CYP3A7: variants seen among roughly 807,000 people sequenced by gnomAD.
The protein encoded by CYP3A7 is cytochrome P450 family 3 subfamily A member 7.
A neutral mutation model predicts 55.2 loss-of-function variants in CYP3A7; 45 were observed. That is an observed-to-expected ratio of 0.82 (90% CI 0.64 to 1.05). The LOEUF is 1.05. Among genes scored for constraint, CYP3A7 ranks in the 50% least tolerant of loss-of-function variants. The probability of loss-of-function intolerance (pLI) is 0.00; values close to 1 mark genes in which losing one functional copy is unlikely to be tolerated. For synonymous variants in CYP3A7, 180 were observed against 207.4 expected (o/e 0.87, Z 1.13); for missense variants, 548 against 605.3 (o/e 0.91, Z 0.99).
rs767521204 is a variant in CYP3A7 at position 99,714,647 on chromosome 7, A to G, written c.706T>C (p.Leu236=). The change falls in exon 8 of 13, where the codon TTA becomes CTA. Residue 236 remains leucine (L), a synonymous_variant. Coordinates refer to ENST00000336374, the MANE Select transcript of CYP3A7 (RefSeq NM_000765.5). ...TTTCTTGGAAACACAGTGATATTTAATGCTTCAAGAATTGGGGTAAGGAAT... is the reference window on the plus strand; with the variant it reads ...TTTCTTGGAAACACAGTGATATTTAGTGCTTCAAGAATTGGGGTAAGGAAT... ...FPFLTPILEA[L]NITVFPRKVI... is the part of the protein sequence containing the mutation. 2.5e-6 allele frequency: 4 copies of G among 1,612,558 alleles called. No individual in the cohort carries two copies. The highest frequency in any genetic ancestry group is 3.4e-6 in the Non-Finnish European group (4 of 1,179,204).
intron 12 of CYP3A7, among the ~76,000 whole-genome samples, chr7:99,707,448 TG>T (rs886731492): frequency 3.9e-5 from 6 of 152,216 alleles, no homozygotes; most frequent in African/African-American, 1.4e-4. Flanking sequence ...CTACAAGTTC[TG>T]GGAAGGAAGA....
chr7:99,728,203 A>T (rs1201111109), intron 2 of CYP3A7, among the ~76,000 whole-genome samples: 1 of 152,110 alleles, frequency 6.6e-6, no homozygotes, highest in Non-Finnish European at 1.5e-5. Flanking sequence ...GGCCCATTCT[A>T]TTCTGTTGTC....
chr7:99,724,298 G>A (rs1814324399), intron 2 of CYP3A7, among the ~76,000 whole-genome samples: 1 of 152,120 alleles, frequency 6.6e-6, no homozygotes, highest in African/African-American at 2.4e-5. Flanking sequence ...ACTGGACAAT[G>A]GTTCCAAATA....
Position 99,707,977 on chromosome 7 carries a change from G to C in CYP3A7, c.1254-3C>G. 9 of 1,613,722 alleles carry C rather than the reference G, an allele frequency of 5.6e-6. No homozygotes were observed. Among genetic ancestry groups the C allele is most frequent in the Non-Finnish European group, 7.6e-6 (9 of 1,179,754 alleles). Reference sequence around the variant, plus strand: ...TGTCCTTGTTCTTTTTACTGAACCTGGTTCCATATTGGTAGATATTTTAAA... The same window carrying C: ...TGTCCTTGTTCTTTTTACTGAACCTCGTTCCATATTGGTAGATATTTTAAA... On this transcript the variant is annotated splice_region_variant and splice_polypyrimidine_tract_variant and intron_variant, in intron 11 of 12. Coordinates refer to ENST00000336374, the MANE Select transcript of CYP3A7 (RefSeq NM_000765.5).
At chr7:99,727,900 G>A (rs1445288272) in intron 2 of CYP3A7, among the ~76,000 whole-genome samples, 1 of 152,158 alleles carries the variant, frequency 6.6e-6, no homozygotes, top group Non-Finnish European at 1.5e-5. Context: ...CATCATTAAT[G>A]CCTCTTTAAT....
chr7:99,722,337 C>T lies in CYP3A7; in HGVS notation c.177G>A (p.Thr59=), dbSNP rs774391816. 17 of 1,613,392 alleles carry T rather than the reference C, an allele frequency of 1.1e-5. No individual in the cohort carries two copies. Among genetic ancestry groups the T allele is most frequent in the Middle Eastern group, 1.6e-4 (1 of 6,082 alleles). ...ACTTTTTATAACATTCCATGTCAAACGTCCAATAGCCCTGGGAGGAGAAAC... is the reference window on the plus strand; with the variant it reads ...ACTTTTTATAACATTCCATGTCAAATGTCCAATAGCCCTGGGAGGAGAAAC... The part of the protein sequence containing the change: ...NALSFRKGYW[T]FDMECYKKYR... The change falls in exon 3 of 13, where the codon ACG becomes ACA. Residue 59 remains threonine, a synonymous_variant. Coordinates refer to ENST00000336374, the MANE Select transcript of CYP3A7 (RefSeq NM_000765.5).
intron 2 of CYP3A7, 154 bp downstream of exon 2, chr7:99,730,905 G>A: frequency 1.0e-6 from 1 of 974,140 alleles, no homozygotes; most frequent in South Asian, 1.7e-5. Flanking sequence ...AGAGCCCCAG[G>A]GTAAACTTTG....
chr7:99,711,028 G>C (rs1228664937), intron 9 of CYP3A7, 136 bp from the exon 10 acceptor site: 1 of 1,441,866 alleles, frequency 6.9e-7, no homozygotes, highest in Non-Finnish European at 9.4e-7. Context: ...CTCACTGGGG[G>C]TGGTTTCACT....
intron 6 of CYP3A7, 148 bp from the exon 7 acceptor site, chr7:99,716,054 C>A: frequency 1.3e-6 from 2 of 1,495,664 alleles, no homozygotes; most frequent in Non-Finnish European, 1.8e-6. Flanking sequence ...TCCCATCACA[C>A]TCCCTCAGAA....
chr7:99,709,198 G>A lies in CYP3A7; in HGVS notation c.1090C>T (p.Leu364Phe). The change falls in exon 11 of 13, where the codon CTC becomes TTC. Residue 364 changes from leucine to phenylalanine, a missense_variant. Transcript: ENST00000336374. ...EYLDMVVNETLRLFPVAMRLE... is the reference protein window; with the variant it reads ...EYLDMVVNETFRLFPVAMRLE... ...CTCATAGCAACTGGGAATAATCTGA[G>A]TGTTTCATTCACCACCATGTCAAGA... is the stretch of plus-strand genomic sequence containing the variant. The A allele has an allele frequency of 6.2e-7, 1 of 1,613,954 alleles. No individual in the cohort carries two copies. Among genetic ancestry groups the A allele is most frequent in the African/African-American group, 1.3e-5 (1 of 75,030 alleles).
At chr7:99,734,201 G>A (rs2151540350) in intron 1 of CYP3A7, among the ~76,000 whole-genome samples, 1 of 152,284 alleles carries the variant, frequency 6.6e-6, no homozygotes, top group African/African-American at 2.4e-5. Context: ...TTAAAACGAG[G>A]TTTGTATTTT....
intron 1 of CYP3A7, among the ~76,000 whole-genome samples, chr7:99,734,788 A>C (rs1814766248): frequency 6.6e-6 from 1 of 151,836 alleles, no homozygotes; most frequent in African/African-American, 2.4e-5. Flanking sequence ...TGCCCAGCTA[A>C]TTTTTGTAAT....
chr7:99,712,399 G>T (rs1047201443), intron 9 of CYP3A7, among the ~76,000 whole-genome samples: 4 of 152,138 alleles, frequency 2.6e-5, no homozygotes, highest in African/African-American at 9.7e-5. Flanking sequence ...TGTCCAATGT[G>T]GTAGCCACTA....
At chr7:99,708,317 A>G (rs1456082293) in intron 11 of CYP3A7, among the ~76,000 whole-genome samples, 2 of 152,184 alleles carry the variant, frequency 1.3e-5, no homozygotes. Flanking sequence ...AGAAAAGTAG[A>G]TTCCTGCCTC....
At chr7:99,713,670 G>C (rs1180316259) in intron 8 of CYP3A7, 135 bp from the exon 9 acceptor site, 5 of 1,172,918 alleles carry the variant, frequency 4.3e-6, no homozygotes, top group Non-Finnish European at 6.2e-6. Context: ...TGTTGCCTGA[G>C]TCACCAGTGA....
chr7:99,728,894 C>T (rs1814518108), intron 2 of CYP3A7, among the ~76,000 whole-genome samples: 1 of 152,084 alleles, frequency 6.6e-6, no homozygotes, highest in Non-Finnish European at 1.5e-5. Flanking sequence ...TTTATCAGTC[C>T]TTCAGACCCA....
chr7:99,717,920 C>T lies in CYP3A7; in HGVS notation c.319-281G>A, dbSNP rs149149529. 9.7e-3 allele frequency among the ~76,000 whole-genome samples: 1,474 copies of T among 152,186 alleles called. 19 individuals are homozygous for T. Among genetic ancestry groups the T allele is most frequent in the African/African-American group, 0.034 (1,413 of 41,498 alleles). On this transcript the variant is annotated intron_variant, in intron 4 of 12. Transcript: ENST00000336374. ...ATAGACAGGATCAACACCTAGCACG[C>T]GTGCAGTGTAGAGAGAGAGTGGAGA...
intron 1 of CYP3A7, 125 bp downstream of exon 1, chr7:99,734,898 G>GAACT (rs1814770598): frequency 7.0e-7 from 1 of 1,438,580 alleles, no homozygotes; most frequent in Admixed American, 1.7e-5. Context: ...TGGGATGACA[G>GAACT]GTGTGAGCCA....
intron 2 of CYP3A7, among the ~76,000 whole-genome samples, chr7:99,725,334 C>A (rs989577503): frequency 6.6e-6 from 1 of 152,192 alleles, no homozygotes; most frequent in African/African-American, 2.4e-5. Context: ...AGGCCTCAAA[C>A]CCCACAACAG....
Sources: gnomAD v4.1 joint callset for allele counts (sites outside exome capture counted in the v4.1 genomes callset) on GRCh38, gnomAD v4.1.1 for gene constraint, MANE v1.5 for transcripts, NCBI Gene and HGNC (gene_info 2026-07-23, HGNC 2026-07-21) for gene names.